GPSM1: variants seen among roughly 807,000 people sequenced by gnomAD.
GPSM1 encodes G protein-signaling modulator 1.
GPSM1 carries 48 observed loss-of-function variants against 70.5 expected under a neutral mutation model. The observed-to-expected ratio is 0.68, with a 90% CI of 0.54 to 0.87. The LOEUF (loss-of-function observed/expected upper bound fraction) is 0.87, where lower values mean the gene tolerates loss of function less well. Ranked by LOEUF, GPSM1 falls within the 40% of genes least tolerant of loss-of-function variation. GPSM1 has a pLI of 0.00. For synonymous variants in GPSM1, 416 were observed against 430.1 expected (o/e 0.97, Z 0.41); for missense variants, 981 against 972.6 (o/e 1.01, Z -0.11).
rs782266782 is a variant in GPSM1, at chr9:136,334,665, C to T, written c.287C>T (p.Ala96Val). The change falls in exon 2 of 14, where the codon GCG (alanine) becomes GTG (valine). Residue 96 changes from alanine (A) to valine (V), a missense_variant. Transcript: ENST00000440944. The stretch of plus-strand genomic sequence containing the variant: ...TACCACAAGCATGACCTCCTGCTGG[C>T]GCGGTGAGTGGGGACGGTCCTGCTG... Reference protein sequence around the residue: ...LEYHKHDLLLARTIGDRMGEA... With the variant: ...LEYHKHDLLLVRTIGDRMGEA... 5.2e-5 allele frequency: 84 copies of T among 1,607,694 alleles called. No individual in the cohort carries two copies. The highest frequency in any genetic ancestry group is 6.6e-5 in the Non-Finnish European group (78 of 1,178,212).
rs148889849 is a variant in GPSM1 at position 136,340,778 on chromosome 9, G to A, written c.1084-92G>A. 4.1e-5 allele frequency: 60 copies of A among 1,463,078 alleles called. No homozygotes were observed. In the African/African-American group the frequency reaches 7.7e-4, roughly 19 times the overall value. 90.6% of individuals were successfully genotyped at this position (1,463,078 alleles called of 1,614,324 possible). On this transcript the variant is annotated intron_variant, in intron 8 of 13. Coordinates refer to ENST00000440944, the MANE Select transcript of GPSM1 (RefSeq NM_001145638.3). The surrounding 1 kb of genome is among the most constrained non-coding windows in gnomAD (Gnocchi z 7.3). ...AGTTCAGGTCACTCAGAAGGTCAGG[G>A]ACGGGTGTACTGGGGGCCATTAAGG... is the stretch of plus-strand genomic sequence containing the variant.
At chr9:136,356,659 G>C (rs956758893) in intron 13 of GPSM1, 109 bp downstream of exon 13, 22 of 780,268 alleles carry the variant, frequency 2.8e-5, no homozygotes, top group Non-Finnish European at 3.7e-5. Flanking sequence ...TGCCATCTCC[G>C]GTCATGTTTG....
At chr9:136,329,353 G>A (rs1341058327) in intron 1 of GPSM1, among the ~76,000 whole-genome samples, 1 of 152,234 alleles carries the variant, frequency 6.6e-6, no homozygotes, top group Non-Finnish European at 1.5e-5. Flanking sequence ...GGCGGTTCCT[G>A]GTCGGAGCTG....
At chr9:136,345,260 C>T (rs781022609) in intron 9 of GPSM1, among the ~76,000 whole-genome samples, 1 of 152,194 alleles carries the variant, frequency 6.6e-6, no homozygotes, top group Non-Finnish European at 1.5e-5. Flanking sequence ...GACAGTGTGA[C>T]GGTCAGCGTC....
chr9:136,339,434 C>T (rs1832332191), intron 7 of GPSM1, among the ~76,000 whole-genome samples: 2 of 152,286 alleles, frequency 1.3e-5, no homozygotes, highest in South Asian at 4.1e-4. Flanking sequence ...GCAGAGCCGG[C>T]CACAGGCCAG....
chr9:136,342,185 G>C lies in GPSM1; in HGVS notation c.1207+1192G>C, dbSNP rs1300296717. 6.6e-6 allele frequency among the ~76,000 whole-genome samples: 1 copy of C among 152,120 alleles called. No homozygotes were observed. Among genetic ancestry groups the C allele is most frequent in the Non-Finnish European group, 1.5e-5 (1 of 68,010 alleles). On this transcript the variant is annotated intron_variant, in intron 9 of 13. Coordinates refer to ENST00000440944, the MANE Select transcript of GPSM1 (RefSeq NM_001145638.3). The surrounding 1 kb of genome is among the most constrained non-coding windows in gnomAD (Gnocchi z 5.5). ...CAGGCCTATTTCTACCCATGGCCGG[G>C]GTTTCCTAAGGGTGGGGAGCTCTGC...
Position 136,336,087 on chromosome 9 carries a change from G to A in GPSM1, c.412G>A (p.Glu138Lys), listed in dbSNP as rs1832227488. 1 of 1,611,318 alleles carries A rather than the reference G, an allele frequency of 6.2e-7. No individual in the cohort carries two copies. Among genetic ancestry groups the A allele is most frequent in the African/African-American group, 1.3e-5 (1 of 74,924 alleles). The change falls in exon 3 of 14, where the codon GAG (glutamate) becomes AAG (lysine). Residue 138 changes from glutamate to lysine, a missense_variant. Coordinates refer to ENST00000440944, the MANE Select transcript of GPSM1 (RefSeq NM_001145638.3). ...CCQRHLSIAQ[E>K]QGDKVGEARA... is the part of the protein sequence containing the mutation. ...CCAGCGGCATCTGAGCATCGCCCAA[G>A]AGCAGGGAGACAAGGTGGGGGCTTG...
rs1373484851 is a variant in GPSM1 at position 136,335,163 on chromosome 9, C to A, written c.290+495C>A. 7.2e-5 allele frequency among the ~76,000 whole-genome samples: 11 copies of A among 152,246 alleles called. 1 individual carries two copies. The highest frequency in any genetic ancestry group is 9.6e-5 in the African/African-American group (4 of 41,518). ...TGATCCTGTGTGGCTCAGAGCCCCA[C>A]CCTTTCCCTGGCCCCAGGCCCCAGG... is the stretch of plus-strand genomic sequence containing the variant. On this transcript the variant is annotated intron_variant, in intron 2 of 13. Coordinates refer to ENST00000440944, the MANE Select transcript of GPSM1 (RefSeq NM_001145638.3).
At chr9:136,357,980 G>A (rs1832883308) in intron 13 of GPSM1, 34 bp from the exon 14 acceptor site, 3 of 1,561,442 alleles carry the variant, frequency 1.9e-6, no homozygotes, top group South Asian at 2.2e-5. Context: ...GGGGCTGGGG[G>A]GGTGAGGCCG....
At chr9:136,351,848 G>A (rs1199410802) in intron 11 of GPSM1, among the ~76,000 whole-genome samples, 4 of 152,256 alleles carry the variant, frequency 2.6e-5, no homozygotes, top group African/African-American at 7.2e-5. Context: ...TGGCCTTACC[G>A]AGGTCAGAAC....
At chr9:136,356,016 G>C (rs1232144730) in intron 12 of GPSM1, among the ~76,000 whole-genome samples, 170 bp downstream of exon 12, 1 of 152,028 alleles carries the variant, frequency 6.6e-6, no homozygotes, top group Non-Finnish European at 1.5e-5. Context: ...CAGCATCCCG[G>C]GAAGCGTGTC....
Position 136,327,719 on chromosome 9 carries a change from G to A in GPSM1, c.24G>A (p.Ala8=). The change falls in exon 1 of 14, where the codon GCG becomes GCA. Residue 8 remains alanine (A), a synonymous_variant. Coordinates refer to ENST00000440944, the MANE Select transcript of GPSM1 (RefSeq NM_001145638.3). ...CCATGGCGGGCCCGGCCCCGCCCGC[G>A]GCCGACGAGCTCCCGGGCCCGGCCG... MAGPAPP[A]ADELPGPAAR... The A allele has an allele frequency of 1.7e-6, 2 of 1,178,104 alleles. No homozygotes were observed. The highest frequency in any genetic ancestry group is 2.1e-6 in the Non-Finnish European group (2 of 955,038). 73.0% of individuals were successfully genotyped at this position (1,178,104 alleles called of 1,614,324 possible).
chr9:136,335,092 C>T (rs1389473248), intron 2 of GPSM1, among the ~76,000 whole-genome samples: 1 of 152,152 alleles, frequency 6.6e-6, no homozygotes, highest in African/African-American at 2.4e-5. Context: ...TGGGCTGTGA[C>T]CCGCGTGCTG....
At chr9:136,332,486 A>G (rs1337530462) in intron 1 of GPSM1, among the ~76,000 whole-genome samples, 3 of 152,222 alleles carry the variant, frequency 2.0e-5, no homozygotes, top group Admixed American at 6.5e-5. Flanking sequence ...TGGGCTCCAC[A>G]GACACCCAGG....
intron 11 of GPSM1, chr9:136,353,290 A>G (rs1340744559): frequency 1.2e-5 from 2 of 172,296 alleles, no homozygotes; most frequent in African/African-American, 4.8e-5. Flanking sequence ...GTGCCAAAGC[A>G]AGAGAGACTA....
In GPSM1 at chr9:136,342,624, C is replaced by T. The variant is rs782182551; in HGVS notation, c.1207+1631C>T. Among the ~76,000 whole-genome samples the T allele has an allele frequency of 3.3e-5, 5 of 152,158 alleles. No homozygotes were observed. The highest frequency in any genetic ancestry group is 5.9e-5 in the Non-Finnish European group (4 of 68,000). On this transcript the variant is annotated intron_variant, in intron 9 of 13. Transcript: ENST00000440944. The surrounding 1 kb of genome is among the most constrained non-coding windows in gnomAD (Gnocchi z 5.5). The stretch of plus-strand genomic sequence containing the variant: ...GGCGGCCCTGGGTGAGACCCCGGCT[C>T]AGCTGAGCCTGGCAGGGACAGGGCC...
rs1465350305 is a variant in GPSM1, at chr9:136,337,045, C to T, written c.551C>T (p.Thr184Ile). The T allele has an allele frequency of 1.3e-6, 2 of 1,551,714 alleles. No homozygotes were observed. The highest frequency in any genetic ancestry group is 1.7e-6 in the Non-Finnish European group (2 of 1,147,746). Reference sequence around the variant, plus strand: ...CACCTGCCGCCCGATGTCCGAGAGACCCTGTGCAAGGCCTCCGAGTTCTAC... The same window carrying T: ...CACCTGCCGCCCGATGTCCGAGAGATCCTGTGCAAGGCCTCCGAGTTCTAC... The part of the protein sequence containing the change: ...PGHLPPDVRE[T>I]LCKASEFYER... The change falls in exon 4 of 14, where the codon ACC becomes ATC. Residue 184 changes from threonine (T) to isoleucine (I), a missense_variant. Physicochemically the swap from Thr to Ile is moderately conservative, Grantham distance 89. Transcript: ENST00000440944.
At position 136,356,512 on chromosome 9, in the gene GPSM1, C is replaced by T. The variant is rs1450530210; in HGVS notation, c.1783C>T (p.Pro595Ser). The change falls in exon 13 of 14, where the codon CCG (proline) becomes TCG (serine). Residue 595 changes from proline to serine, a missense_variant. Pro to Ser is a moderately conservative substitution (Grantham distance 74, BLOSUM62 -1). Coordinates refer to ENST00000440944, the MANE Select transcript of GPSM1 (RefSeq NM_001145638.3). ...HLRGHGEPQEPGDDFFNMLIK... is the reference protein window; with the variant it reads ...HLRGHGEPQESGDDFFNMLIK... Reference sequence around the variant, plus strand: ...CCGAGGCCACGGCGAGCCCCAGGAGCCGGGGGACGACTTCTTCAACATGCT... The same window carrying T: ...CCGAGGCCACGGCGAGCCCCAGGAGTCGGGGGACGACTTCTTCAACATGCT... 8 of 1,611,822 alleles carry T rather than the reference C, an allele frequency of 5.0e-6. No homozygotes were observed. In the African/African-American group the frequency reaches 8.0e-5, roughly 16 times the overall value.
At chr9:136,352,971 G>A in intron 11 of GPSM1, 1 of 396,614 alleles carries the variant, frequency 2.5e-6, no homozygotes, top group Non-Finnish European at 3.4e-6. Context: ...GCAGGGGCGG[G>A]CGCTAGGAGG....
Sources: allele counts gnomAD v4.1 joint callset (sites outside exome capture counted in the v4.1 genomes callset), GRCh38; gene constraint gnomAD v4.1.1; non-coding constraint Gnocchi (gnomAD v3.1); transcripts MANE v1.5; gene names NCBI Gene and HGNC (gene_info 2026-07-23, HGNC 2026-07-21).